Variants in MYO9B observed in about 807,000 individuals in gnomAD.
The protein encoded by MYO9B is myosin IXB.
In MYO9B, 71 loss-of-function variants were observed where a neutral mutation model predicts 229.5. The observed-to-expected ratio is 0.31, with a 90% CI of 0.26 to 0.38. The LOEUF (loss-of-function observed/expected upper bound fraction) is 0.38, where lower values mean the gene tolerates loss of function less well. MYO9B is among the 10% of genes least tolerant of loss of function. The pLI is 1.00. For synonymous variants in MYO9B, 1,185 were observed against 1,235.8 expected, an observed-to-expected ratio of 0.96 and a Z score of 0.86; for missense variants, 2,255 against 2,920.5, an observed-to-expected ratio of 0.77 and a Z score of 5.25.
intron 2 of MYO9B, among the ~76,000 whole-genome samples, chr19:17,115,302 G>A (rs1417198094): frequency 6.6e-6 from 1 of 152,114 alleles, no homozygotes; most frequent in Non-Finnish European, 1.5e-5. Flanking sequence ...TTGGCACCAT[G>A]AGTGCAGAGC....
intron 3 of MYO9B, among the ~76,000 whole-genome samples, chr19:17,148,691 C>T (rs764536642): frequency 5.3e-5 from 8 of 152,204 alleles, no homozygotes; most frequent in Non-Finnish European, 8.8e-5. Flanking sequence ...TCAAGCAATT[C>T]TTGTGCCTCA....
At chr19:17,141,666 C>T (rs2072341588) in intron 2 of MYO9B, among the ~76,000 whole-genome samples, 1 of 90 alleles carries the variant, frequency 0.011, no homozygotes, top group Non-Finnish European at 0.023. Context: ...CAAGTTCCCC[C>T]AGGGGCTCCG....
At chr19:17,207,361 G>A (rs1175700660) in intron 35 of MYO9B, 117 bp downstream of exon 35, 1 of 1,383,064 alleles carries the variant, frequency 7.2e-7, no homozygotes, top group Non-Finnish European at 9.8e-7. Flanking sequence ...GCCGAGTGCA[G>A]CGGTTCACAC....
At chr19:17,126,296 G>A (rs1246626340) in intron 2 of MYO9B, among the ~76,000 whole-genome samples, 1 of 152,158 alleles carries the variant, frequency 6.6e-6, no homozygotes, top group African/African-American at 2.4e-5. Context: ...GTGCTTCCCA[G>A]GCCTGCTCCT....
At chr19:17,109,892 G>T (rs2057830667) in intron 2 of MYO9B, among the ~76,000 whole-genome samples, 4 of 152,162 alleles carry the variant, frequency 2.6e-5, no homozygotes, top group Non-Finnish European at 5.9e-5. Context: ...CAGGTTCTGG[G>T]GGTAAGGACT....
At chr19:17,206,213 C>T (rs761912357) in intron 32 of MYO9B, 35 bp from the exon 33 acceptor site, 18 of 1,588,202 alleles carry the variant, frequency 1.1e-5, no homozygotes, top group African/African-American at 9.4e-5. Context: ...CCTGCCAGTG[C>T]GCCGCTCACC....
intron 11 of MYO9B, among the ~76,000 whole-genome samples, chr19:17,170,616 G>C (rs1406362017): frequency 7.6e-6 from 1 of 132,114 alleles, no homozygotes; most frequent in African/African-American, 2.9e-5. Flanking sequence ...TTAAAGACCA[G>C]CCTGGGCACC....
intron 11 of MYO9B, among the ~76,000 whole-genome samples, chr19:17,171,262 C>T (rs998060932): frequency 6.6e-6 from 1 of 152,206 alleles, no homozygotes; most frequent in Non-Finnish European, 1.5e-5. Context: ...ATTTGCCAAA[C>T]CAACAACATC....
At chr19:17,138,653 T>A (rs2072301037) in intron 2 of MYO9B, among the ~76,000 whole-genome samples, 1 of 152,190 alleles carries the variant, frequency 6.6e-6, no homozygotes, top group Non-Finnish European at 1.5e-5. Context: ...TCAGCCAGTG[T>A]CTTAATCTGT....
In MYO9B at chr19:17,212,482, G is replaced by GCAC. The variant is rs35656730; in HGVS notation, c.*172_*173insCAC. 2.6e-6 allele frequency: 2 copies of GCAC among 777,432 alleles called. No homozygotes were observed. The highest frequency in any genetic ancestry group is 3.8e-6 in the Non-Finnish European group (2 of 530,820). 48.2% of individuals were successfully genotyped at this position (777,432 alleles called of 1,614,324 possible). Reference sequence around the variant, plus strand: ...TGCAGAGTCAAGGCAGGGAGAGGCCGGCTGGAGCCAGGCCCCCTCGCACGC... The same window carrying GCAC: ...TGCAGAGTCAAGGCAGGGAGAGGCCGCACGCTGGAGCCAGGCCCCCTCGCACGC... On this transcript the variant is annotated 3_prime_UTR_variant, in exon 40 of 40. Transcript: ENST00000682292. This position sits in a 1 kb window ranked among gnomAD's most constrained non-coding sequence, Gnocchi z 5.4.
chr19:17,088,719 C>T (rs1041020097), intron 1 of MYO9B, among the ~76,000 whole-genome samples: 24 of 149,790 alleles, frequency 1.6e-4, no homozygotes, highest in African/African-American at 5.3e-4. Flanking sequence ...GAAACAGGAT[C>T]TGTCTCTGTT....
intron 2 of MYO9B, among the ~76,000 whole-genome samples, chr19:17,127,934 T>C (rs2072145749): frequency 6.6e-6 from 1 of 152,198 alleles, no homozygotes; most frequent in African/African-American, 2.4e-5. Context: ...GGCAGAGATT[T>C]TTCCAAAACC....
chr19:17,089,205 G>A (rs1327176601), intron 1 of MYO9B, among the ~76,000 whole-genome samples: 1 of 151,884 alleles, frequency 6.6e-6, no homozygotes. Flanking sequence ...CCAATAGGCT[G>A]ACTTTGTGGT....
At chr19:17,169,371 CAAA>C (rs58898086) in intron 11 of MYO9B, among the ~76,000 whole-genome samples, 1,687 of 88,928 alleles carry the variant, frequency 0.019, 37 homozygotes, top group African/African-American at 0.067. Context: ...GACTCTGTCT[CAAA>C]AAAAAAAAAA....
Position 17,101,084 on chromosome 19 carries a change from G to C in MYO9B, c.-58-576G>C, listed in dbSNP as rs915087488. Among the ~76,000 whole-genome samples the C allele has an allele frequency of 6.6e-6, 1 of 151,350 alleles. No homozygotes were observed. Among genetic ancestry groups the C allele is most frequent in the East Asian group, 2.0e-4 (1 of 5,088 alleles). ...TGTTGGGCTTCAGGATTGAGAGGCT[G>C]CCTCTGGATGGGGTGGGATGGGGGC... On this transcript the variant is annotated intron_variant, in intron 1 of 39. Coordinates refer to ENST00000682292, the MANE Select transcript of MYO9B (RefSeq NM_004145.4). The surrounding 1 kb of genome is among the most constrained non-coding windows in gnomAD (Gnocchi z 4.7).
chr19:17,162,105 G>C (rs1280267956), intron 8 of MYO9B, among the ~76,000 whole-genome samples: 1 of 152,012 alleles, frequency 6.6e-6, no homozygotes, highest in African/African-American at 2.4e-5. Flanking sequence ...CAGAGTTTGA[G>C]ACCAGCCTGG....
chr19:17,140,438 C>A (rs916781028), intron 2 of MYO9B, among the ~76,000 whole-genome samples: 2 of 151,950 alleles, frequency 1.3e-5, no homozygotes, highest in Non-Finnish European at 2.9e-5. Context: ...ATGTAAGTGA[C>A]CTCATCACCT....
chr19:17,168,129 C>A, intron 11 of MYO9B, 65 bp downstream of exon 11: 1 of 1,575,310 alleles, frequency 6.3e-7, no homozygotes, highest in South Asian at 1.1e-5. Context: ...GGTTCTGCAG[C>A]CCCCAGAGCC....
chr19:17,126,113 G>A (rs996406740), intron 2 of MYO9B, among the ~76,000 whole-genome samples: 1 of 152,064 alleles, frequency 6.6e-6, no homozygotes, highest in African/African-American at 2.4e-5. Flanking sequence ...CATTCCCTCG[G>A]CCCCGCCTTC....
Sources: allele counts gnomAD v4.1 joint callset (sites outside exome capture counted in the v4.1 genomes callset), GRCh38; gene constraint gnomAD v4.1.1; non-coding constraint Gnocchi (gnomAD v3.1); transcripts MANE v1.5; gene names NCBI Gene and HGNC (gene_info 2026-07-23, HGNC 2026-07-21).